DMD: variants seen among roughly 807,000 people sequenced by gnomAD.
DMD encodes dystrophin, also known as mutant dystrophin.
Under a neutral mutation model 330.1 loss-of-function variants are expected in DMD, and 63 were observed. The ratio of observed to expected loss-of-function variants is 0.19; its 90% CI spans 0.16 to 0.24. DMD has a LOEUF of 0.24. DMD is among the 10% of genes least tolerant of loss of function. The pLI, the probability that DMD is intolerant of heterozygous loss-of-function variation, is 1.00. For synonymous variants in DMD, 1,223 were observed against 959.8 expected, an observed-to-expected ratio of 1.27 and a Z score of -5.07; for missense variants, 3,344 against 2,684.1, an observed-to-expected ratio of 1.25 and a Z score of -5.43.
chrX:33,264,879 GA>G (rs2053017859), intron 1 of DMD, among the ~76,000 whole-genome samples: 1 of 110,185 alleles, frequency 9.1e-6, no homozygotes, highest in Admixed American at 9.8e-5. Flanking sequence ...TCCTGGCACA[GA>G]AATTATGATG....
intron 21 of DMD, among the ~76,000 whole-genome samples, chrX:32,479,428 T>G (rs975437337): frequency 4.5e-5 from 5 of 111,070 alleles, no homozygotes; most frequent in African/African-American, 1.6e-4. Context: ...ACCTTCCCTT[T>G]CCCAACCTTC....
chrX:32,877,837 G>C (rs755832944), intron 2 of DMD, among the ~76,000 whole-genome samples: 1 of 111,966 alleles, frequency 8.9e-6, no homozygotes, highest in South Asian at 3.7e-4. Context: ...GCATAGTTTA[G>C]GCCCAGGTTT....
At chrX:31,150,549 C>T (rs2037287991) in intron 74 of DMD, among the ~76,000 whole-genome samples, 1 of 112,145 alleles carries the variant, frequency 8.9e-6, no homozygotes, top group African/African-American at 3.2e-5. Flanking sequence ...CTGTTGTTCA[C>T]AGATGATATT....
chrX:31,619,017 A>G (rs1463331333), intron 55 of DMD, among the ~76,000 whole-genome samples: 1 of 111,301 alleles, frequency 9.0e-6, no homozygotes, highest in Non-Finnish European at 1.9e-5. Flanking sequence ...TACTAAATAT[A>G]CGATGGTATT....
intron 9 of DMD, among the ~76,000 whole-genome samples, chrX:32,678,456 T>C (rs1487657882): frequency 2.7e-5 from 3 of 111,230 alleles, no homozygotes; most frequent in Non-Finnish European, 5.7e-5. Flanking sequence ...GAACCAGAAT[T>C]ACAGATAAAA....
At chrX:31,218,557 T>A (rs1488587463) in intron 64 of DMD, among the ~76,000 whole-genome samples, 1 of 111,897 alleles carries the variant, frequency 8.9e-6, no homozygotes, top group Non-Finnish European at 1.9e-5. Context: ...TGAAAAATGA[T>A]AACTTCGGGC....
At chrX:31,302,658 TAA>T (rs1157275152) in intron 62 of DMD, among the ~76,000 whole-genome samples, 1 of 103,714 alleles carries the variant, frequency 9.6e-6, no homozygotes. Flanking sequence ...GGGGGAAAAG[TAA>T]AAAAAAAAAT....
intron 43 of DMD, among the ~76,000 whole-genome samples, chrX:32,220,595 C>G (rs2097128788): frequency 2.7e-5 from 3 of 110,967 alleles, no homozygotes; most frequent in Non-Finnish European, 5.7e-5. Flanking sequence ...CATTTTTTAT[C>G]ATGACTACTT....
At chrX:31,918,131 C>T (rs1406574082) in intron 47 of DMD, among the ~76,000 whole-genome samples, 1 of 112,584 alleles carries the variant, frequency 8.9e-6, no homozygotes, top group African/African-American at 3.2e-5. Flanking sequence ...TACCCCTTAC[C>T]ACTGCTATTA....
intron 44 of DMD, among the ~76,000 whole-genome samples, chrX:32,121,627 A>ATG (rs1343879052): frequency 7.9e-5 from 4 of 50,921 alleles, no homozygotes; most frequent in Non-Finnish European, 1.5e-4. Context: ...GTGCATATAT[A>ATG]TATATATATA....
intron 51 of DMD, among the ~76,000 whole-genome samples, chrX:31,746,693 C>T (rs1486128238): frequency 9.0e-6 from 1 of 110,866 alleles, no homozygotes; most frequent in Non-Finnish European, 1.9e-5. Flanking sequence ...GGATGGTGAA[C>T]AACCATGTGT....
intron 17 of DMD, among the ~76,000 whole-genome samples, chrX:32,530,654 C>G (rs1184238110): frequency 8.9e-6 from 1 of 111,756 alleles, no homozygotes; most frequent in Non-Finnish European, 1.9e-5. Context: ...AGTTATAAAG[C>G]CAAGGAGTGT....
At chrX:33,105,496 A>T (rs2095278052) in intron 1 of DMD, among the ~76,000 whole-genome samples, 1 of 112,420 alleles carries the variant, frequency 8.9e-6, no homozygotes, top group Admixed American at 9.5e-5. Flanking sequence ...CAGAAAACCG[A>T]CAGAATGGAA....
At chrX:31,960,270 G>A (rs2095290327) in intron 45 of DMD, among the ~76,000 whole-genome samples, 1 of 110,614 alleles carries the variant, frequency 9.0e-6, no homozygotes, top group African/African-American at 3.3e-5. Context: ...TCAAATGGTG[G>A]GAGCCAAGGT....
intron 55 of DMD, among the ~76,000 whole-genome samples, chrX:31,582,253 T>C (rs1240021642): frequency 9.0e-6 from 1 of 111,668 alleles, no homozygotes; most frequent in Non-Finnish European, 1.9e-5. Context: ...AGAATAAGAA[T>C]TCGTTGAGGA....
chrX:31,281,772 T>A (rs1345355932), intron 62 of DMD, among the ~76,000 whole-genome samples: 1 of 111,469 alleles, frequency 9.0e-6, no homozygotes, highest in East Asian at 2.8e-4. Context: ...ACAAAAACAA[T>A]ATGAGTTAAG....
intron 23 of DMD, among the ~76,000 whole-genome samples, chrX:32,466,685 G>A (rs1451764367): frequency 9.0e-6 from 1 of 111,213 alleles, no homozygotes; most frequent in East Asian, 2.8e-4. Flanking sequence ...GAGGGAGAGG[G>A]AGATAGACAG....
intron 55 of DMD, among the ~76,000 whole-genome samples, chrX:31,617,022 T>C (rs1300010934): frequency 3.6e-5 from 4 of 111,916 alleles, no homozygotes; most frequent in African/African-American, 1.3e-4. Flanking sequence ...ATACTGAATT[T>C]ATGTCATTTG....
At chrX:32,011,059 G>A (rs1274266135) in intron 44 of DMD, among the ~76,000 whole-genome samples, 1 of 112,335 alleles carries the variant, frequency 8.9e-6, no homozygotes, top group Non-Finnish European at 1.9e-5. Flanking sequence ...GAATGTTAGT[G>A]GGGGAATCCG....
Sources: gnomAD v4.1 joint callset for allele counts (sites outside exome capture counted in the v4.1 genomes callset) on GRCh38, gnomAD v4.1.1 for gene constraint, MANE v1.5 for transcripts, NCBI Gene and HGNC (gene_info 2026-07-23, HGNC 2026-07-21) for gene names.